AKAP12: variants seen among roughly 807,000 people sequenced by gnomAD.
The protein encoded by AKAP12 is A-kinase anchoring protein 12, also known as A-kinase anchor protein 12.
AKAP12 carries 32 observed loss-of-function variants against 79.9 expected under a neutral mutation model. That is an observed-to-expected ratio of 0.40 (90% CI 0.30 to 0.54). AKAP12 has a LOEUF of 0.54. Among genes scored for constraint, AKAP12 ranks in the 20% least tolerant of loss-of-function variants. AKAP12 has a pLI of 0.48. For missense variants in AKAP12, 2,074 were observed against 2,177.0 expected, an observed-to-expected ratio of 0.95 and a Z score of 0.94; for synonymous variants, 808 against 857.0, an observed-to-expected ratio of 0.94 and a Z score of 1.00.
At chr6:151,342,657 C>T (rs1263552312) in intron 3 of AKAP12, among the ~76,000 whole-genome samples, 1 of 152,208 alleles carries the variant, frequency 6.6e-6, no homozygotes, top group African/African-American at 2.4e-5. Flanking sequence ...CCAGCTACAA[C>T]TTAAAATTTT....
rs1797155454 is a variant in AKAP12, at chr6:151,250,638, C to T, written c.162+9914C>T. ...TTTTTTTTTTTGAGACGGAGTCTCG[C>T]TCTGTTGCCCAGGCTGGAGTGCAGT... is the stretch of plus-strand genomic sequence containing the variant. On this transcript the variant is annotated intron_variant, in intron 2 of 4. Coordinates refer to ENST00000402676, the MANE Select transcript of AKAP12 (RefSeq NM_005100.4). Among the ~76,000 whole-genome samples the T allele has an allele frequency of 1.3e-5, 2 of 149,174 alleles. 1 individual carries two copies. Among genetic ancestry groups the T allele is most frequent in the South Asian group, 4.3e-4 (2 of 4,704 alleles).
At chr6:151,278,360 C>T (rs1399467607) in intron 2 of AKAP12, among the ~76,000 whole-genome samples, 3 of 152,054 alleles carry the variant, frequency 2.0e-5, no homozygotes, top group Admixed American at 6.6e-5. Flanking sequence ...GGATTGCAGG[C>T]GCCCACCACC....
chr6:151,313,383 G>C (rs1311287549), intron 3 of AKAP12, among the ~76,000 whole-genome samples: 1 of 152,136 alleles, frequency 6.6e-6, no homozygotes, highest in Non-Finnish European at 1.5e-5. Flanking sequence ...GTAATGTTTT[G>C]AAGACTGGAG....
chr6:151,303,202 TAAAA>T, intron 2 of AKAP12, among the ~76,000 whole-genome samples: 1 of 151,842 alleles, frequency 6.6e-6, no homozygotes, highest in Non-Finnish European at 1.5e-5. Context: ...AAAATAAAAA[TAAAA>T]AAAAGAAATA....
At chr6:151,295,103 G>A (rs779305301) in intron 2 of AKAP12, among the ~76,000 whole-genome samples, 5 of 152,196 alleles carry the variant, frequency 3.3e-5, no homozygotes, top group Non-Finnish European at 7.3e-5. Context: ...CATGCTCTCA[G>A]AGACCGGTTT....
At chr6:151,336,007 G>A (rs1777802846) in intron 3 of AKAP12, among the ~76,000 whole-genome samples, 1 of 152,120 alleles carries the variant, frequency 6.6e-6, no homozygotes, top group Non-Finnish European at 1.5e-5. Context: ...CCATTTATGA[G>A]AATATGCAGC....
intron 3 of AKAP12, chr6:151,341,582 C>A (rs1039456156): frequency 3.7e-6 from 2 of 535,898 alleles, no homozygotes; most frequent in Admixed American, 5.8e-5. Flanking sequence ...CAGGCTTTCG[C>A]GAGCTATGGC....
chr6:151,315,128 T>G (rs75656352), intron 3 of AKAP12, among the ~76,000 whole-genome samples: 8,401 of 152,130 alleles, frequency 0.055, 774 homozygotes, highest in African/African-American at 0.19. Flanking sequence ...GCTCTCTGAT[T>G]GTAACTAAGC....
intron 2 of AKAP12, among the ~76,000 whole-genome samples, chr6:151,300,182 G>A (rs1309542562): frequency 1.3e-5 from 2 of 152,124 alleles, no homozygotes; most frequent in Non-Finnish European, 2.9e-5. Flanking sequence ...TACAAGTTTT[G>A]TCGTGGGATT....
Position 151,325,965 on chromosome 6 carries a change from G to A in AKAP12, c.319+20062G>A, listed in dbSNP as rs183489193. ...GAAAAGGGGCTTTCTTCCGTTGAAT[G>A]AGCGTTTGGTGGGGAGCCCGGGAGG... On this transcript the variant is annotated intron_variant, in intron 3 of 4. Coordinates refer to ENST00000402676, the MANE Select transcript of AKAP12 (RefSeq NM_005100.4). 163 of 1,605,572 alleles carry A rather than the reference G, an allele frequency of 1.0e-4. 1 individual carries two copies. The African/African-American group carries it at 1.8e-3, about 18-fold the overall frequency.
intron 2 of AKAP12, among the ~76,000 whole-genome samples, chr6:151,292,634 C>T (rs943449487): frequency 7.9e-5 from 12 of 152,320 alleles, no homozygotes; most frequent in African/African-American, 2.9e-4. Flanking sequence ...TTCATTTCAA[C>T]AGGGGTCTCG....
At chr6:151,307,383 A>G (rs1776998976) in intron 3 of AKAP12, among the ~76,000 whole-genome samples, 1 of 152,202 alleles carries the variant, frequency 6.6e-6, no homozygotes, top group East Asian at 1.9e-4. Context: ...AGCCCCTGCA[A>G]AGAGTTTTTA....
intron 3 of AKAP12, chr6:151,319,884 G>A (rs1392729535): frequency 6.5e-6 from 1 of 152,754 alleles, no homozygotes; most frequent in Middle Eastern, 3.4e-3. Context: ...TCCATTTAAA[G>A]GAATAACAGT....
At chr6:151,304,055 C>T (rs886886633) in intron 2 of AKAP12, among the ~76,000 whole-genome samples, 3 of 151,980 alleles carry the variant, frequency 2.0e-5, no homozygotes, top group African/African-American at 7.3e-5. Context: ...ATAGCAGCTG[C>T]CTATGTTGGT....
intron 2 of AKAP12, among the ~76,000 whole-genome samples, chr6:151,281,404 C>T (rs1019402943): frequency 1.3e-5 from 2 of 152,142 alleles, no homozygotes; most frequent in Non-Finnish European, 2.9e-5. Context: ...GAAGAGATAA[C>T]TGTAATTCTG....
intron 2 of AKAP12, among the ~76,000 whole-genome samples, chr6:151,296,112 C>T (rs1247431717): frequency 6.6e-5 from 10 of 152,200 alleles, no homozygotes; most frequent in Admixed American, 4.6e-4. Flanking sequence ...GACCTGGGAC[C>T]TGCTGCCACC....
Position 151,353,244 on chromosome 6 carries a change from CAG to C in AKAP12, c.4856_4857del (p.Glu1619ValfsTer10). On this transcript the variant is annotated frameshift_variant, in exon 4 of 5. Coordinates refer to ENST00000402676, the MANE Select transcript of AKAP12 (RefSeq NM_005100.4). LOFTEE classifies it low-confidence loss of function (END_TRUNC). ...CCAATTACTTCAGCCAAAGAGGAGT[CAG>C]AGTCAACCGCAGTGGGACAAGCACA... The C allele has an allele frequency of 6.2e-7, 1 of 1,614,158 alleles. No homozygotes were observed. Among genetic ancestry groups the C allele is most frequent in the Non-Finnish European group, 8.5e-7 (1 of 1,180,040 alleles).
intron 3 of AKAP12, among the ~76,000 whole-genome samples, chr6:151,306,673 A>T (rs993784090): frequency 6.6e-6 from 1 of 152,210 alleles, no homozygotes; most frequent in Non-Finnish European, 1.5e-5. Context: ...ACATCGCCTC[A>T]CTTAGATGAG....
chr6:151,319,428 A>G, intron 3 of AKAP12, among the ~76,000 whole-genome samples: 1 of 141,392 alleles, frequency 7.1e-6, no homozygotes, highest in East Asian at 2.2e-4. Flanking sequence ...CCCTGAATCT[A>G]AAAGACAGGT....
Sources: allele counts gnomAD v4.1 joint callset (sites outside exome capture counted in the v4.1 genomes callset), GRCh38; gene constraint gnomAD v4.1.1; transcripts MANE v1.5; gene names NCBI Gene and HGNC (gene_info 2026-07-23, HGNC 2026-07-21).